RAB18: variants seen among roughly 807,000 people sequenced by gnomAD.
RAB18 encodes RAB18, member RAS oncogene family.
RAB18 carries 10 observed loss-of-function variants against 28.5 expected under a neutral mutation model. That is an observed-to-expected ratio of 0.35 (90% CI 0.22 to 0.60). RAB18 has a LOEUF of 0.60. Among genes scored for constraint, RAB18 ranks in the 20% least tolerant of loss-of-function variants. The pLI is 0.78. For missense variants in RAB18, 188 were observed against 244.2 expected (o/e 0.77, Z 1.53); for synonymous variants, 93 against 86.9 (o/e 1.07, Z -0.39).
chr10:27,509,919 C>G lies in RAB18; in HGVS notation c.113C>G (p.Ala38Gly). 1.2e-6 allele frequency: 2 copies of G among 1,611,502 alleles called. No individual in the cohort carries two copies. The highest frequency in any genetic ancestry group is 1.7e-6 in the Non-Finnish European group (2 of 1,177,822). ...GATGATACGTTTGATCCAGAACTTGCAGCAACAATAGGTAAGCCTGTGTTT... is the reference window on the plus strand; with the variant it reads ...GATGATACGTTTGATCCAGAACTTGGAGCAACAATAGGTAAGCCTGTGTTT... ...FTDDTFDPEL[A>G]ATIGVDFKVK... Residue 38 changes from alanine to glycine, a missense_variant, in exon 2 of 7, where the codon GCA (alanine) becomes GGA (glycine). Ala to Gly is a moderately conservative substitution (Grantham distance 60, BLOSUM62 0). Coordinates refer to ENST00000356940, the MANE Select transcript of RAB18 (RefSeq NM_021252.5).
In RAB18 at chr10:27,538,499, G is replaced by A. The variant is rs563981728; in HGVS notation, c.*448G>A. 974 of 454,648 alleles carry A rather than the reference G, an allele frequency of 2.1e-3. 23 individuals are homozygous for A. The highest frequency in any genetic ancestry group is 0.015 in the South Asian group (943 of 64,472). 28.2% of individuals were successfully genotyped at this position (454,648 alleles called of 1,614,324 possible). A position where few individuals can be genotyped will look rare whatever the true frequency, so the allele number is the denominator to read the frequency against. On this transcript the variant is annotated 3_prime_UTR_variant, in exon 7 of 7. Coordinates refer to ENST00000356940, the MANE Select transcript of RAB18 (RefSeq NM_021252.5). ...CAAATTTTCTTTCAGGAATAATAAAGAGCATGATTCCACAGCTTTTCTGGG... is the reference window on the plus strand; with the variant it reads ...CAAATTTTCTTTCAGGAATAATAAAAAGCATGATTCCACAGCTTTTCTGGG...
At chr10:27,510,149 T>TAC (rs1163961391) in intron 2 of RAB18, 1 of 576,576 alleles carries the variant, frequency 1.7e-6, no homozygotes, top group Admixed American at 3.0e-5. Context: ...TGTCTCATGA[T>TAC]ACTTTATTAA....
At chr10:27,507,923 A>G (rs1047779579) in intron 1 of RAB18, among the ~76,000 whole-genome samples, 34 of 151,678 alleles carry the variant, frequency 2.2e-4, no homozygotes, top group African/African-American at 7.3e-4. Context: ...CACACCTGTC[A>G]TGCCAGTTAC....
intron 2 of RAB18, among the ~76,000 whole-genome samples, chr10:27,524,585 A>G (rs1383405154): frequency 1.1e-4 from 16 of 152,256 alleles, no homozygotes; most frequent in Non-Finnish European, 2.2e-4. Flanking sequence ...ATTAAAGATC[A>G]TATTAAAAAT....
intron 2 of RAB18, among the ~76,000 whole-genome samples, chr10:27,524,286 T>C (rs931136342): frequency 7.9e-5 from 12 of 152,122 alleles, no homozygotes; most frequent in African/African-American, 2.9e-4. Context: ...CATGTCTACT[T>C]TTTGAACATG....
At position 27,538,718 on chromosome 10, in the gene RAB18, G is replaced by A. The variant is rs1212050829; in HGVS notation, c.*667G>A. On this transcript the variant is annotated 3_prime_UTR_variant, in exon 7 of 7. Coordinates refer to ENST00000356940, the MANE Select transcript of RAB18 (RefSeq NM_021252.5). The stretch of plus-strand genomic sequence containing the variant: ...AACTGGAGTTTTAATCCTGTGATAT[G>A]TACATTGGATTCATGACTGTGCAGC... 1 of 454,064 alleles carries A rather than the reference G, an allele frequency of 2.2e-6. No individual in the cohort carries two copies. The highest frequency in any genetic ancestry group is 2.3e-5 in the Admixed American group (1 of 42,568). The allele number at this position is 454,064 out of a possible 1,614,324, so 28.1% of individuals were successfully genotyped here.
chr10:27,527,973 A>G (rs1489320183), intron 3 of RAB18, among the ~76,000 whole-genome samples: 3 of 152,164 alleles, frequency 2.0e-5, no homozygotes, highest in Non-Finnish European at 4.4e-5. Flanking sequence ...AATATCAATC[A>G]GAACGGTAAT....
chr10:27,520,840 C>G (rs1834534393), intron 2 of RAB18, among the ~76,000 whole-genome samples: 1 of 143,958 alleles, frequency 6.9e-6, no homozygotes, highest in Non-Finnish European at 1.5e-5. Context: ...CCACTTGAAC[C>G]CAGGAGGCAG....
intron 2 of RAB18, chr10:27,513,981 C>T (rs1834380626): frequency 6.6e-6 from 1 of 152,174 alleles, no homozygotes; most frequent in South Asian, 2.1e-4. Context: ...GAGGAGATGA[C>T]TGCATTGTGA....
Position 27,533,998 on chromosome 10 carries a change from G to C in RAB18, c.445+4G>C. On this transcript the variant is annotated splice_donor_region_variant and intron_variant, in intron 6 of 6. Transcript: ENST00000356940. The stretch of plus-strand genomic sequence containing the variant: ...AAGCATTCCATGTTATTTATAGGTA[G>C]GTGTGTGAATGAATATCTGTCCTTT... The C allele has an allele frequency of 6.3e-7, 1 of 1,588,004 alleles. No individual in the cohort carries two copies. Among genetic ancestry groups the C allele is most frequent in the Non-Finnish European group, 8.6e-7 (1 of 1,156,522 alleles).
intron 2 of RAB18, among the ~76,000 whole-genome samples, chr10:27,521,971 A>G (rs1396497930): frequency 6.6e-6 from 1 of 151,962 alleles, no homozygotes; most frequent in Non-Finnish European, 1.5e-5. Flanking sequence ...ACCCTCCCAG[A>G]CCTCATCCTT....
intron 2 of RAB18, among the ~76,000 whole-genome samples, chr10:27,519,132 A>G (rs888513612): frequency 1.4e-4 from 21 of 151,596 alleles, no homozygotes; most frequent in African/African-American, 4.6e-4. Context: ...CCACATAGGA[A>G]AAGTTGGTTT....
chr10:27,537,395 A>G (rs1414958274), intron 6 of RAB18, among the ~76,000 whole-genome samples: 2 of 152,166 alleles, frequency 1.3e-5, no homozygotes, highest in Non-Finnish European at 2.9e-5. Context: ...ATGAGCAAAC[A>G]TTTGCTGTGG....
chr10:27,522,565 C>T (rs973498771), intron 2 of RAB18, among the ~76,000 whole-genome samples: 1 of 152,120 alleles, frequency 6.6e-6, no homozygotes, highest in Non-Finnish European at 1.5e-5. Flanking sequence ...GGAAGGACTT[C>T]TGCCATTTTG....
intron 1 of RAB18, 141 bp from the exon 2 acceptor site, chr10:27,509,734 T>TG: frequency 1.4e-6 from 1 of 729,196 alleles, no homozygotes; most frequent in Non-Finnish European, 2.4e-6. Context: ...ATACCTGCTC[T>TG]GAGGCAGTAT....
intron 2 of RAB18, among the ~76,000 whole-genome samples, chr10:27,513,030 A>T (rs1346526394): frequency 7.1e-6 from 1 of 139,906 alleles, no homozygotes; most frequent in African/African-American, 2.7e-5. Flanking sequence ...ATATATATAT[A>T]TATTTTTTTT....
intron 1 of RAB18, 149 bp from the exon 2 acceptor site, chr10:27,509,726 A>T: frequency 1.4e-6 from 1 of 709,158 alleles, no homozygotes; most frequent in Non-Finnish European, 2.5e-6. Flanking sequence ...TTCTGTGTAT[A>T]CCTGCTCTGA....
At chr10:27,521,249 A>G (rs1470240411) in intron 2 of RAB18, among the ~76,000 whole-genome samples, 2 of 152,092 alleles carry the variant, frequency 1.3e-5, no homozygotes, top group Admixed American at 1.3e-4. Context: ...TACTTGAAAA[A>G]AATTTGTTGT....
chr10:27,505,091 C>T (rs560691537), intron 1 of RAB18: 3 of 532,708 alleles, frequency 5.6e-6, no homozygotes, highest in Admixed American at 3.9e-5. Context: ...TGTTATTTCT[C>T]ATTTTGCCAC....
Sources: gnomAD v4.1 joint callset for allele counts (sites outside exome capture counted in the v4.1 genomes callset) on GRCh38, gnomAD v4.1.1 for gene constraint, MANE v1.5 for transcripts, NCBI Gene and HGNC (gene_info 2026-07-23, HGNC 2026-07-21) for gene names.